The following KLF12 variants were observed in gnomAD, a reference collection of about 807,000 sequenced individuals.
KLF12 encodes the protein KLF transcription factor 12, also known as Krueppel-like factor 12.
KLF12 carries 9 observed loss-of-function variants against 37.8 expected under a neutral mutation model. That is an observed-to-expected ratio of 0.24 (90% confidence interval 0.14 to 0.42). KLF12 has a LOEUF of 0.42. Among genes scored for constraint, KLF12 ranks in the 10% least tolerant of loss-of-function variants. The pLI, the probability that KLF12 is intolerant of heterozygous loss-of-function variation, is 1.00. For missense variants in KLF12, 411 were observed against 516.0 expected, an observed-to-expected ratio of 0.80 and a Z score of 1.97; for synonymous variants, 208 against 202.1, an observed-to-expected ratio of 1.03 and a Z score of -0.25.
At chr13:74,040,400 A>C (rs116228204) in intron 1 of KLF12, among the ~76,000 whole-genome samples, 1,752 of 152,222 alleles carry the variant, frequency 0.012, 52 homozygotes, top group African/African-American at 0.04. Context: ...ACCACTCCTG[A>C]CGACTGACAC....
At chr13:73,998,284 G>T (rs1284927460) in intron 1 of KLF12, among the ~76,000 whole-genome samples, 1 of 152,098 alleles carries the variant, frequency 6.6e-6, no homozygotes, top group Admixed American at 6.5e-5. Context: ...AGTCTTTAAA[G>T]GTTAGTGTTT....
chr13:74,033,542 G>A (rs1386164286), intron 1 of KLF12, among the ~76,000 whole-genome samples: 1 of 152,126 alleles, frequency 6.6e-6, no homozygotes, highest in Admixed American at 6.5e-5. Context: ...ATAGATCCTT[G>A]ACACAAATGC....
chr13:73,960,322 T>A (rs1477326452), intron 2 of KLF12: 4 of 270,472 alleles, frequency 1.5e-5, no homozygotes, highest in African/African-American at 2.2e-5. Flanking sequence ...GCTAAAATGA[T>A]AAACACTCAA....
chr13:74,052,633 T>G (rs1872994591), intron 1 of KLF12, among the ~76,000 whole-genome samples: 1 of 152,146 alleles, frequency 6.6e-6, no homozygotes, highest in Non-Finnish European at 1.5e-5. Flanking sequence ...TAAGCAAGTT[T>G]CCACTCTAGC....
chr13:73,697,088 AAC>A (rs10679066), intron 7 of KLF12, among the ~76,000 whole-genome samples: 103 of 149,658 alleles, frequency 6.9e-4, no homozygotes, highest in Middle Eastern at 3.4e-3. Context: ...ATACAACTGC[AAC>A]ACACACACAC....
At chr13:73,956,104 A>G (rs1402206636) in intron 2 of KLF12, among the ~76,000 whole-genome samples, 1 of 152,228 alleles carries the variant, frequency 6.6e-6, no homozygotes, top group African/African-American at 2.4e-5. Flanking sequence ...AAATTCATTC[A>G]ACAGAAATTT....
At chr13:73,813,131 T>C (rs1430382678) in intron 5 of KLF12, 21 bp downstream of exon 5, 2 of 1,611,378 alleles carry the variant, frequency 1.2e-6, no homozygotes, top group African/African-American at 2.7e-5. Context: ...TCTTAATTCA[T>C]CCTGTGAATG....
intron 1 of KLF12, among the ~76,000 whole-genome samples, chr13:74,076,173 T>C (rs1170448876): frequency 2.6e-5 from 4 of 152,228 alleles, no homozygotes; most frequent in Non-Finnish European, 4.4e-5. Flanking sequence ...ATAAAGCTAT[T>C]ATATTTTTTA....
chr13:73,704,009 A>T (rs1202000079), intron 7 of KLF12, among the ~76,000 whole-genome samples: 2 of 152,244 alleles, frequency 1.3e-5, no homozygotes, highest in African/African-American at 4.8e-5. Context: ...TCAAAAGACA[A>T]TATTTTATTT....
Position 73,972,433 on chromosome 13 carries a change from G to A in KLF12, c.33+22557C>T, listed in dbSNP as rs1036804140. ...TTATAACAGCGTGGTGGTTCCTCAG[G>A]CACATATAGCCCATCTTTAATACAT... On this transcript the variant is annotated intron_variant, in intron 2 of 7. Coordinates refer to ENST00000377669, the MANE Select transcript of KLF12 (RefSeq NM_007249.5). Among the ~76,000 whole-genome samples the A allele has an allele frequency of 2.0e-5, 3 of 151,792 alleles. No homozygotes were observed. In the East Asian group the frequency reaches 5.8e-4, roughly 29 times the overall value.
the KLF12 span, among the ~76,000 whole-genome samples, chr13:74,215,427 C>CTTTTTTTT: frequency 8.3e-5 from 5 of 60,380 alleles, no homozygotes; most frequent in African/African-American, 1.7e-4. Context: ...CCTCTGGGTT[C>CTTTTTTTT]TTTTTTTTTT....
Position 73,790,345 on chromosome 13 carries a change from A to C in KLF12, c.806+22807T>G, listed in dbSNP as rs1341455157. On this transcript the variant is annotated intron_variant, in intron 5 of 7. Transcript: ENST00000377669. ...AAATAGTAAAACTTATTATTCTTAT[A>C]ATAATTTAAGATTTTAAAATATAAG... 2.0e-5 allele frequency among the ~76,000 whole-genome samples: 3 copies of C among 152,220 alleles called. No individual in the cohort carries two copies. The East Asian group carries it at 5.8e-4, about 29-fold the overall frequency.
intron 5 of KLF12, among the ~76,000 whole-genome samples, chr13:73,794,600 G>C (rs545502118): frequency 6.6e-6 from 1 of 152,282 alleles, no homozygotes; most frequent in South Asian, 2.1e-4. Context: ...GTTCAACCCT[G>C]CCTGTTATCT....
intron 2 of KLF12, among the ~76,000 whole-genome samples, chr13:73,956,247 TATC>T (rs1415795316): frequency 1.3e-5 from 2 of 152,230 alleles, no homozygotes; most frequent in African/African-American, 4.8e-5. Flanking sequence ...CTGAATAACT[TATC>T]ATACCCAGGA....
At chr13:74,047,435 CA>C (rs11378919) in intron 1 of KLF12, among the ~76,000 whole-genome samples, 35 of 146,166 alleles carry the variant, frequency 2.4e-4, no homozygotes, top group East Asian at 6.0e-4. Context: ...ACTAAAAATA[CA>C]AAAAAAAAAA....
the KLF12 span, among the ~76,000 whole-genome samples, chr13:74,251,153 C>A: frequency 6.6e-5 from 10 of 151,926 alleles, no homozygotes; most frequent in African/African-American, 1.9e-4. Flanking sequence ...TTGGTAATCT[C>A]TTTTTTTGTT....
intron 6 of KLF12, among the ~76,000 whole-genome samples, chr13:73,738,193 A>G (rs969680076): frequency 6.7e-6 from 1 of 149,958 alleles, no homozygotes; most frequent in African/African-American, 2.4e-5. Context: ...CACCCAGGCT[A>G]GAGTGCAGTG....
intron 1 of KLF12, among the ~76,000 whole-genome samples, chr13:74,040,056 A>T (rs1893359828): frequency 6.6e-6 from 1 of 152,216 alleles, no homozygotes; most frequent in Admixed American, 6.5e-5. Flanking sequence ...ATAAATGGTA[A>T]ATCACATATA....
chr13:73,743,172 G>A (rs1433186035), intron 6 of KLF12, among the ~76,000 whole-genome samples: 2 of 152,208 alleles, frequency 1.3e-5, no homozygotes, highest in Non-Finnish European at 2.9e-5. Context: ...ATGGACTGAG[G>A]ACATCATGTT....
Sources: gnomAD v4.1 joint callset for allele counts (sites outside exome capture counted in the v4.1 genomes callset) on GRCh38, gnomAD v4.1.1 for gene constraint, MANE v1.5 for transcripts, NCBI Gene and HGNC (gene_info 2026-07-23, HGNC 2026-07-21) for gene names.